ITPR2: variants seen among roughly 807,000 people sequenced by gnomAD.
ITPR2 encodes the protein inositol 1,4,5-trisphosphate-gated calcium channel ITPR2.
A neutral mutation model predicts 317.1 loss-of-function variants in ITPR2; 207 were observed. That is an observed-to-expected ratio of 0.65 (90% CI 0.58 to 0.73). The LOEUF (loss-of-function observed/expected upper bound fraction) is 0.73. ITPR2 is among the 30% of genes least tolerant of loss of function. The pLI, the probability that ITPR2 is intolerant of heterozygous loss-of-function variation, is 0.00. For missense variants in ITPR2, 2,613 were observed against 3,284.0 expected, an observed-to-expected ratio of 0.80 and a Z score of 4.99; for synonymous variants, 1,156 against 1,149.1, an observed-to-expected ratio of 1.01 and a Z score of -0.12.
chr12:26,706,676 A>AT (rs762056296), intron 9 of ITPR2, among the ~76,000 whole-genome samples: 8 of 152,086 alleles, frequency 5.3e-5, no homozygotes, highest in Non-Finnish European at 8.8e-5. Context: ...CTGTACTGGG[A>AT]TTTTTTTAAT....
intron 1 of ITPR2, among the ~76,000 whole-genome samples, chr12:26,813,258 T>C (rs1007829617): frequency 6.6e-6 from 1 of 152,232 alleles, no homozygotes; most frequent in African/African-American, 2.4e-5. Flanking sequence ...ATTTTAAATT[T>C]TGAAAATTTT....
intron 55 of ITPR2, among the ~76,000 whole-genome samples, chr12:26,355,084 T>C (rs10842719): frequency 0.2 from 29,744 of 152,128 alleles, 3,766 homozygotes; most frequent in East Asian, 0.46. Context: ...GGCCCAGTAA[T>C]TGGTGTTTTA....
intron 36 of ITPR2, among the ~76,000 whole-genome samples, chr12:26,555,919 AT>A (rs1340038504): frequency 1.3e-5 from 2 of 152,168 alleles, no homozygotes; most frequent in African/African-American, 4.8e-5. Flanking sequence ...TTAAACAAGA[AT>A]TTTTTTAAAG....
chr12:26,588,969 A>G (rs900548700), intron 32 of ITPR2, among the ~76,000 whole-genome samples: 1 of 152,186 alleles, frequency 6.6e-6, no homozygotes, highest in African/African-American at 2.4e-5. Context: ...ACCATAGTCT[A>G]CCCTCTTTAC....
chr12:26,775,949 T>TATATATATATATATATACATAC (rs1949958024), intron 2 of ITPR2, among the ~76,000 whole-genome samples: 6 of 146,572 alleles, frequency 4.1e-5, no homozygotes, highest in South Asian at 2.1e-4. Flanking sequence ...TATATATATG[T>TATATATATATATATATACATAC]ATATGTATAT....
At chr12:26,418,370 C>T (rs2129865) in intron 50 of ITPR2, among the ~76,000 whole-genome samples, 81,769 of 151,972 alleles carry the variant, frequency 0.54, 23,294 homozygotes, top group East Asian at 0.87. Flanking sequence ...GCTTTTTAAG[C>T]TTCAAAACAT....
At chr12:26,575,296 A>T (rs1945249811) in intron 34 of ITPR2, among the ~76,000 whole-genome samples, 1 of 151,488 alleles carries the variant, frequency 6.6e-6, no homozygotes, top group South Asian at 2.1e-4. Context: ...ATTTCACTTC[A>T]GAAAGATTAC....
chr12:26,826,178 A>C (rs1369185855), intron 1 of ITPR2, among the ~76,000 whole-genome samples: 4 of 152,012 alleles, frequency 2.6e-5, no homozygotes, highest in Admixed American at 6.6e-5. Flanking sequence ...AGGTGGAGGG[A>C]TCGCTTGAGC....
At chr12:26,626,725 C>T (rs1441459537) in intron 23 of ITPR2, among the ~76,000 whole-genome samples, 2 of 152,256 alleles carry the variant, frequency 1.3e-5, no homozygotes, top group Non-Finnish European at 1.5e-5. Context: ...GACAGCAGGA[C>T]AGTTGGTCTA....
At chr12:26,410,512 G>C (rs1388778116) in intron 52 of ITPR2, among the ~76,000 whole-genome samples, 1 of 152,020 alleles carries the variant, frequency 6.6e-6, no homozygotes, top group Non-Finnish European at 1.5e-5. Context: ...ATGGAAACTG[G>C]GGAACTCCGC....
At chr12:26,458,193 G>A (rs1368059391) in intron 45 of ITPR2, among the ~76,000 whole-genome samples, 2 of 152,184 alleles carry the variant, frequency 1.3e-5, no homozygotes, top group African/African-American at 2.4e-5. Flanking sequence ...ACAAAATGAA[G>A]ATGGCAGCAG....
At chr12:26,663,899 CT>C (rs916083508) in intron 14 of ITPR2, 53 bp from the exon 15 acceptor site, 12,820 of 1,168,956 alleles carry the variant, frequency 0.011, 1 homozygote, top group South Asian at 0.018. Flanking sequence ...GTTTTGCAAC[CT>C]TTTTTTTTTA....
At chr12:26,460,433 T>A (rs1325470525) in intron 45 of ITPR2, among the ~76,000 whole-genome samples, 1 of 152,234 alleles carries the variant, frequency 6.6e-6, no homozygotes, top group Admixed American at 6.5e-5. Context: ...GAGGTTAATG[T>A]CTTTAATTTC....
chr12:26,728,707 G>T lies in ITPR2; in HGVS notation c.164-2942C>A, dbSNP rs188430115. Reference sequence around the variant, plus strand: ...ATTCTAAATTTACTGCATAATAAAAGTGCTAATACCTGCCACACCTAATTC... The same window carrying T: ...ATTCTAAATTTACTGCATAATAAAATTGCTAATACCTGCCACACCTAATTC... On this transcript the variant is annotated intron_variant, in intron 2 of 56. Transcript: ENST00000381340. 1.2e-3 allele frequency among the ~76,000 whole-genome samples: 183 copies of T among 152,272 alleles called. 4 individuals are homozygous for T. The highest frequency in any genetic ancestry group is 4.2e-3 in the African/African-American group (176 of 41,572).
intron 37 of ITPR2, among the ~76,000 whole-genome samples, chr12:26,529,443 A>G (rs1297997033): frequency 6.6e-6 from 1 of 152,176 alleles, no homozygotes; most frequent in Non-Finnish European, 1.5e-5. Context: ...GGATGGCTGC[A>G]TGGCCTTCCT....
At chr12:26,564,215 A>G (rs1565606344) in intron 34 of ITPR2, among the ~76,000 whole-genome samples, 1 of 152,248 alleles carries the variant, frequency 6.6e-6, no homozygotes, top group Non-Finnish European at 1.5e-5. Flanking sequence ...GCAGAATAAA[A>G]CAGAGAGACT....
chr12:26,382,111 T>A (rs755934823), intron 55 of ITPR2, among the ~76,000 whole-genome samples: 1 of 152,186 alleles, frequency 6.6e-6, no homozygotes, highest in South Asian at 2.1e-4. Context: ...GGATGGAGGA[T>A]TTATCCTTTC....
At chr12:26,585,746 G>A (rs189667259) in intron 32 of ITPR2, among the ~76,000 whole-genome samples, 437 of 152,226 alleles carry the variant, frequency 2.9e-3, no homozygotes, top group Non-Finnish European at 5.1e-3. Flanking sequence ...CAGATTTTTG[G>A]AGGGTAAATT....
chr12:26,681,766 C>T, intron 13 of ITPR2, 108 bp downstream of exon 13: 1 of 715,388 alleles, frequency 1.4e-6, no homozygotes, highest in Non-Finnish European at 2.3e-6. Flanking sequence ...AGCAAGTGTG[C>T]TATCGAGAAT....
Sources: gnomAD v4.1 joint callset for allele counts (sites outside exome capture counted in the v4.1 genomes callset) on GRCh38, gnomAD v4.1.1 for gene constraint, MANE v1.5 for transcripts, NCBI Gene and HGNC (gene_info 2026-07-23, HGNC 2026-07-21) for gene names.